Variants in PCDHA8 observed in about 807,000 individuals in gnomAD.
PCDHA8 encodes protocadherin alpha 8.
In PCDHA8, 53 loss-of-function variants were observed where a neutral mutation model predicts 61.8. The observed-to-expected ratio is 0.86, with a 90% CI of 0.69 to 1.08. PCDHA8 has a LOEUF of 1.08. Ranked by LOEUF, PCDHA8 falls within the 50% of genes least tolerant of loss-of-function variation. The pLI is 0.00. For missense variants in PCDHA8, 1,293 were observed against 1,245.0 expected, an observed-to-expected ratio of 1.04 and a Z score of -0.58; for synonymous variants, 618 against 556.6, an observed-to-expected ratio of 1.11 and a Z score of -1.55.
rs2150483101 is a variant in PCDHA8, at chr5:140,850,412, A to T, written c.2394+6697A>T. 3.6e-5 allele frequency: 57 copies of T among 1,597,620 alleles called. No homozygotes were observed. The South Asian group carries it at 6.3e-4, about 18-fold the overall frequency. On this transcript the variant is annotated intron_variant, in intron 1 of 3. Transcript: ENST00000531613. ...TCAGCACAACGCGTGCCCTGGACGA[A>T]ACGGACGCACCGCGCCAGCGCCTAC...
chr5:140,985,007 G>A (rs1349447884), intron 3 of PCDHA8, among the ~76,000 whole-genome samples: 2 of 151,706 alleles, frequency 1.3e-5, no homozygotes, highest in African/African-American at 4.8e-5. Flanking sequence ...GCACGATATC[G>A]GCTCACAGCA....
rs782169362 is a variant in PCDHA8, at chr5:140,979,015, T to G, written c.2453+8T>G. Reference sequence around the variant, plus strand: ...GAGAGCAGGCATGCACAGGTATGTATTTCCCTCCTCATTCACTCAGAAGTA... The same window carrying G: ...GAGAGCAGGCATGCACAGGTATGTAGTTCCCTCCTCATTCACTCAGAAGTA... On this transcript the variant is annotated splice_region_variant and intron_variant, in intron 2 of 3. Transcript: ENST00000531613. 3 of 1,613,920 alleles carry G rather than the reference T, an allele frequency of 1.9e-6. No individual in the cohort carries two copies. The highest frequency in any genetic ancestry group is 2.5e-6 in the Non-Finnish European group (3 of 1,179,908).
At chr5:140,954,086 C>T (rs2094976679) in intron 1 of PCDHA8, among the ~76,000 whole-genome samples, 1 of 152,212 alleles carries the variant, frequency 6.6e-6, no homozygotes, top group African/African-American at 2.4e-5. Context: ...CTTCCAGCTC[C>T]ATCCATGTCC....
chr5:140,987,462 A>C (rs2097255249), intron 3 of PCDHA8, among the ~76,000 whole-genome samples: 1 of 152,154 alleles, frequency 6.6e-6, no homozygotes, highest in African/African-American at 2.4e-5. Flanking sequence ...AATTGTTAAG[A>C]GCTCAAGCTT....
rs2150419460 is a variant in PCDHA8 at position 140,848,757 on chromosome 5, T to C, written c.2394+5042T>C. 2.5e-6 allele frequency: 4 copies of C among 1,593,378 alleles called. No individual in the cohort carries two copies. In the South Asian group the frequency reaches 4.4e-5, roughly 18 times the overall value. Reference sequence around the variant, plus strand: ...GCAGAATGGCATTTTGTTTGTGAATTCTCGGATCGACCGCGAGGAGCTGTG... The same window carrying C: ...GCAGAATGGCATTTTGTTTGTGAATCCTCGGATCGACCGCGAGGAGCTGTG... On this transcript the variant is annotated intron_variant, in intron 1 of 3. Transcript: ENST00000531613.
intron 1 of PCDHA8, among the ~76,000 whole-genome samples, chr5:140,973,394 A>C (rs1263015635): frequency 6.6e-6 from 1 of 152,244 alleles, no homozygotes; most frequent in African/African-American, 2.4e-5. Flanking sequence ...CAAAGAAATC[A>C]TATCTATGAG....
At chr5:140,857,196 A>G in intron 1 of PCDHA8, 1 of 1,598,586 alleles carries the variant, frequency 6.3e-7, no homozygotes, top group Non-Finnish European at 8.6e-7. Flanking sequence ...GCCAACGGAC[A>G]GGTCACCTGC....
At chr5:140,845,692 G>A (rs1440776749) in intron 1 of PCDHA8, among the ~76,000 whole-genome samples, 1 of 149,364 alleles carries the variant, frequency 6.7e-6, no homozygotes, top group Non-Finnish European at 1.5e-5. Flanking sequence ...TTGTTATTCA[G>A]TTCCTTGGCA....
At chr5:140,869,588 T>G (rs1404476349) in intron 1 of PCDHA8, 7 of 1,613,996 alleles carry the variant, frequency 4.3e-6, no homozygotes, top group Non-Finnish European at 5.9e-6. Flanking sequence ...GATGCTGACA[T>G]TGAAGAGAAT....
chr5:140,848,732 G>T lies in PCDHA8; in HGVS notation c.2394+5017G>T, dbSNP rs1554142393. 5.7e-6 allele frequency: 9 copies of T among 1,592,756 alleles called. 1 individual carries two copies. The highest frequency in any genetic ancestry group is 7.7e-6 in the Non-Finnish European group (9 of 1,163,596). ...GCGGGGACCTTCTGGAGGTAAATCT[G>T]CAGAATGGCATTTTGTTTGTGAATT... On this transcript the variant is annotated intron_variant, in intron 1 of 3. Transcript: ENST00000531613.
chr5:140,946,156 T>G (rs138161459), intron 1 of PCDHA8, among the ~76,000 whole-genome samples: 1 of 151,944 alleles, frequency 6.6e-6, no homozygotes, highest in Non-Finnish European at 1.5e-5. Flanking sequence ...TAACACGATT[T>G]AAAAGATGGG....
intron 1 of PCDHA8, chr5:140,878,248 C>A (rs1449904760): frequency 6.5e-6 from 1 of 154,860 alleles, no homozygotes; most frequent in African/African-American, 2.4e-5. Flanking sequence ...TTAACTCTTC[C>A]TCACGTGCTT....
intron 1 of PCDHA8, among the ~76,000 whole-genome samples, chr5:140,878,596 G>A (rs1352519824): frequency 6.6e-6 from 1 of 152,144 alleles, no homozygotes; most frequent in South Asian, 2.1e-4. Context: ...CTATTACCAA[G>A]TGAATCTTCT....
intron 1 of PCDHA8, chr5:140,928,717 T>C: frequency 6.2e-7 from 1 of 1,614,208 alleles, no homozygotes; most frequent in Non-Finnish European, 8.5e-7. Context: ...CTCTAGTCTC[T>C]TTAGAATTTC....
At chr5:141,004,331 C>G (rs1244942275) in intron 3 of PCDHA8, among the ~76,000 whole-genome samples, 1 of 152,210 alleles carries the variant, frequency 6.6e-6, no homozygotes, top group Non-Finnish European at 1.5e-5. Flanking sequence ...AGGTGAGGCA[C>G]AGTGGTCTGT....
chr5:140,876,924 G>A, intron 1 of PCDHA8: 4 of 1,613,824 alleles, frequency 2.5e-6, no homozygotes, highest in Non-Finnish European at 3.4e-6. Flanking sequence ...ACGCGGACGC[G>A]CAGAAGAACG....
chr5:140,995,285 C>G (rs1179283452), intron 3 of PCDHA8, among the ~76,000 whole-genome samples: 1 of 152,048 alleles, frequency 6.6e-6, no homozygotes, highest in African/African-American at 2.4e-5. Flanking sequence ...ACCAAAACAG[C>G]CAGTCGGATA....
intron 1 of PCDHA8, among the ~76,000 whole-genome samples, chr5:140,886,254 CTA>C (rs1304679943): frequency 6.6e-6 from 1 of 151,720 alleles, no homozygotes; most frequent in Non-Finnish European, 1.5e-5. Flanking sequence ...AAAAGTATCT[CTA>C]TTTATAGATA....
In PCDHA8 at chr5:140,857,482, G is replaced by A. The variant is rs782347083; in HGVS notation, c.2394+13767G>A. On this transcript the variant is annotated intron_variant, in intron 1 of 3. Transcript: ENST00000531613. ...GCTGCCACATCTTCACGGTGTCTGC[G>A]TGGGACGCGGACGCGCAGGAGAACG... 2.3e-5 allele frequency: 36 copies of A among 1,598,422 alleles called. 1 individual carries two copies. The highest frequency in any genetic ancestry group is 2.6e-5 in the Non-Finnish European group (30 of 1,167,890).
Sources: gnomAD v4.1 joint callset for allele counts (sites outside exome capture counted in the v4.1 genomes callset) on GRCh38, gnomAD v4.1.1 for gene constraint, MANE v1.5 for transcripts, NCBI Gene and HGNC (gene_info 2026-07-23, HGNC 2026-07-21) for gene names.